The following GALNT11 variants were observed in gnomAD, a reference collection of about 807,000 sequenced individuals.
The protein encoded by GALNT11 is UDP-GalNAc:polypeptide N-acetylgalactosaminyltransferase 11.
GALNT11 carries 47 observed loss-of-function variants against 72.7 expected under a neutral mutation model. That is an observed-to-expected ratio of 0.65 (90% CI 0.51 to 0.82). The LOEUF (loss-of-function observed/expected upper bound fraction) is 0.82. GALNT11 is among the 40% of genes least tolerant of loss of function. GALNT11 has a pLI of 0.00. For synonymous variants in GALNT11, 270 were observed against 286.6 expected (o/e 0.94, Z 0.58); for missense variants, 677 against 778.4 (o/e 0.87, Z 1.55).
intron 11 of GALNT11, 56 bp from the exon 12 acceptor site, chr7:152,121,490 A>G (rs1225253987): frequency 1.3e-6 from 2 of 1,576,350 alleles, no homozygotes; most frequent in African/African-American, 2.7e-5. Context: ...TCTCCTCTGG[A>G]TTTCCATGTT....
intron 1 of GALNT11, among the ~76,000 whole-genome samples, chr7:152,029,934 G>A (rs930931624): frequency 6.6e-6 from 1 of 152,226 alleles, no homozygotes; most frequent in African/African-American, 2.4e-5. Context: ...TTTGGGCTAC[G>A]CCCTTGTTTA....
chr7:152,071,161 G>A (rs201787410), intron 1 of GALNT11, among the ~76,000 whole-genome samples: 1 of 152,252 alleles, frequency 6.6e-6, no homozygotes. Flanking sequence ...AGGGTTTTAA[G>A]ATCAACCAGT....
rs1162056929 is a variant in GALNT11, at chr7:152,117,322, C to G, written c.1399C>G (p.Pro467Ala). ...ISGSHAKPQQ[P>A]IFVNRGPKRP... The stretch of plus-strand genomic sequence containing the variant: ...TGGGTCCCACGCCAAACCCCAACAA[C>G]CCATTTTTGTCAATAGAGGGCCAAA... Residue 467 changes from proline to alanine, a missense_variant, in exon 9 of 12, where the codon CCC (proline) becomes GCC (alanine). Coordinates refer to ENST00000430044, the MANE Select transcript of GALNT11 (RefSeq NM_022087.4). The G allele has an allele frequency of 6.2e-7, 1 of 1,614,026 alleles. No homozygotes were observed. Among genetic ancestry groups the G allele is most frequent in the African/African-American group, 1.3e-5 (1 of 74,916 alleles).
chr7:152,110,604 A>G lies in GALNT11; in HGVS notation c.1039A>G (p.Met347Val), dbSNP rs1349406412. ...FHELGQYDSG[M>V]DIWGGENLEI... ...TGAACTTGGACAGTATGATAGTGGC[A>G]TGGATATCTGGGGAGGAGAAAATTT... Residue 347 changes from methionine to valine, a missense_variant, in exon 7 of 12, where the codon ATG becomes GTG. Met to Val is a conservative substitution (Grantham distance 21). Transcript: ENST00000430044. 2.5e-6 allele frequency: 4 copies of G among 1,612,614 alleles called. No individual in the cohort carries two copies. Among genetic ancestry groups the G allele is most frequent in the Non-Finnish European group, 3.4e-6 (4 of 1,179,738 alleles).
intron 3 of GALNT11, among the ~76,000 whole-genome samples, chr7:152,102,247 A>G (rs1324983528): frequency 6.6e-6 from 1 of 152,202 alleles, no homozygotes; most frequent in Non-Finnish European, 1.5e-5. Flanking sequence ...CCTGAAGTTT[A>G]AAAAGTCTTT....
chr7:152,065,161 C>CT lies in GALNT11; in HGVS notation c.-38-29023dup, dbSNP rs941406008. Among the ~76,000 whole-genome samples, 171 of 152,242 alleles carry CT rather than the reference C, an allele frequency of 1.1e-3. 2 individuals carry two copies. Among genetic ancestry groups the CT allele is most frequent in the African/African-American group, 4.0e-3 (166 of 41,548 alleles). ...GAGGCTTCGTTCATTTCTTTTTACT[C>CT]TTTTTTCTCTAAACTTCTCTTCTTG... On this transcript the variant is annotated intron_variant, in intron 1 of 11. Transcript: ENST00000430044.
chr7:152,090,777 A>G (rs2085972130), intron 1 of GALNT11, among the ~76,000 whole-genome samples: 1 of 151,848 alleles, frequency 6.6e-6, no homozygotes, highest in South Asian at 2.1e-4. Context: ...GAAGCTTCAC[A>G]CACCTTCTTC....
intron 9 of GALNT11, 172 bp downstream of exon 9, chr7:152,117,547 G>C: frequency 1.5e-6 from 1 of 660,636 alleles, no homozygotes; most frequent in Non-Finnish European, 2.6e-6. Flanking sequence ...GCAAGTGTAG[G>C]ACCTCAAGTG....
intron 1 of GALNT11, among the ~76,000 whole-genome samples, chr7:152,049,886 C>T (rs1178699306): frequency 6.6e-6 from 1 of 152,128 alleles, no homozygotes; most frequent in Non-Finnish European, 1.5e-5. Flanking sequence ...CCCTTAGCTG[C>T]CACTGTCCTA....
At chr7:152,103,652 G>A (rs2087211493) in intron 4 of GALNT11, 1 of 183,710 alleles carries the variant, frequency 5.4e-6, no homozygotes, top group Non-Finnish European at 1.2e-5. Context: ...GTGTGGTCCA[G>A]GGTCATTCTG....
rs542691310 is a variant in GALNT11, at chr7:152,101,645, G to C, written c.419+724G>C. Among the ~76,000 whole-genome samples the C allele has an allele frequency of 3.3e-3, 481 of 146,106 alleles. 9 individuals carry two copies. Among genetic ancestry groups the C allele is most frequent in the African/African-American group, 0.011 (439 of 39,596 alleles). On this transcript the variant is annotated intron_variant, in intron 3 of 11. Transcript: ENST00000430044. ...CTCTAAGTTCATGGCTTTTTTTTGG[G>C]GGGGGGGGGATGGAGTCTTTCTCTG...
intron 1 of GALNT11, among the ~76,000 whole-genome samples, chr7:152,038,334 AG>A (rs2082686199): frequency 6.6e-6 from 1 of 152,242 alleles, no homozygotes; most frequent in Admixed American, 6.5e-5. Flanking sequence ...TGGGAAATAA[AG>A]GGATGGGCAG....
At chr7:152,044,922 T>A (rs118132546) in intron 1 of GALNT11, among the ~76,000 whole-genome samples, 10 of 152,196 alleles carry the variant, frequency 6.6e-5, no homozygotes, top group Non-Finnish European at 1.5e-4. Context: ...ACTGTGGGTT[T>A]ATTGTATATG....
At chr7:152,074,078 C>T (rs2084816309) in intron 1 of GALNT11, among the ~76,000 whole-genome samples, 1 of 152,086 alleles carries the variant, frequency 6.6e-6, no homozygotes, top group Non-Finnish European at 1.5e-5. Context: ...TATATTTTCT[C>T]CCATTCTATA....
intron 1 of GALNT11, among the ~76,000 whole-genome samples, chr7:152,045,410 G>A (rs971947988): frequency 1.3e-5 from 2 of 152,122 alleles, no homozygotes; most frequent in African/African-American, 4.8e-5. Flanking sequence ...AAGCCATTAG[G>A]TCCTGGGGTT....
At chr7:152,096,320 T>C (rs2086367938) in intron 2 of GALNT11, among the ~76,000 whole-genome samples, 1 of 152,100 alleles carries the variant, frequency 6.6e-6, no homozygotes. Context: ...GCCAAAACAG[T>C]CTGAAAAAGA....
At chr7:152,116,005 G>A (rs1004679250) in intron 8 of GALNT11, among the ~76,000 whole-genome samples, 9 of 152,144 alleles carry the variant, frequency 5.9e-5, no homozygotes, top group East Asian at 3.9e-4. Flanking sequence ...GTGGTGTGCC[G>A]AGATCGTGCC....
intron 1 of GALNT11, chr7:152,074,473 C>T (rs2084834352): frequency 1.3e-5 from 2 of 152,204 alleles, no homozygotes; most frequent in Admixed American, 1.3e-4. Flanking sequence ...TCTGGGTTCT[C>T]TATTCTGTTC....
Position 152,118,845 on chromosome 7 carries a change from G to A in GALNT11, c.1557+63G>A, listed in dbSNP as rs964919038. 3.7e-6 allele frequency: 5 copies of A among 1,337,982 alleles called. No homozygotes were observed. The African/African-American group carries it at 5.9e-5, about 16-fold the overall frequency. 82.9% of individuals were successfully genotyped at this position (1,337,982 alleles called of 1,614,324 possible). On this transcript the variant is annotated intron_variant, in intron 10 of 11. Coordinates refer to ENST00000430044, the MANE Select transcript of GALNT11 (RefSeq NM_022087.4). ...AGGAGGCTTCCAGTGTAGGGAAGCTGCTGCCAGTCACTCCTGAGGACATCA... is the reference window on the plus strand; with the variant it reads ...AGGAGGCTTCCAGTGTAGGGAAGCTACTGCCAGTCACTCCTGAGGACATCA...
Sources: allele counts gnomAD v4.1 joint callset (sites outside exome capture counted in the v4.1 genomes callset), GRCh38; gene constraint gnomAD v4.1.1; transcripts MANE v1.5; gene names NCBI Gene and HGNC (gene_info 2026-07-23, HGNC 2026-07-21).